PXN: variants seen among roughly 807,000 people sequenced by gnomAD.
The protein encoded by PXN is testicular tissue protein Li 134.
In PXN, 61 loss-of-function variants were observed where a neutral mutation model predicts 103.6. That is an observed-to-expected ratio of 0.59 (90% CI 0.48 to 0.73). The LOEUF (loss-of-function observed/expected upper bound fraction) is 0.73, where lower values mean the gene tolerates loss of function less well. PXN is among the 30% of genes least tolerant of loss of function. PXN has a pLI of 0.00. For missense variants in PXN, 1,274 were observed against 1,460.3 expected, an observed-to-expected ratio of 0.87 and a Z score of 2.08; for synonymous variants, 562 against 607.8, an observed-to-expected ratio of 0.92 and a Z score of 1.11.
At chr12:120,259,070 A>AAAAC (rs1224376686) in intron 1 of PXN, among the ~76,000 whole-genome samples, 6 of 146,616 alleles carry the variant, frequency 4.1e-5, no homozygotes, top group African/African-American at 1.5e-4. Flanking sequence ...ACTCTGCCTC[A>AAAAC]AAACAAACAA....
rs945235836 is a variant in PXN at position 120,219,730 on chromosome 12, G to C, written c.1193C>G (p.Pro398Arg). ...AGCACAGGGTACAGTGTGGCAGCGG[G>C]GAGCCCCAGAGAGCTCACTTGTGAT... ...PTITSELSGA[P>R]RCHTVPCAGS... Residue 398 changes from proline to arginine, a missense_variant, in exon 7 of 15, where the codon CCC becomes CGC. Around this residue, in one of 2 missense-constraint regions of PXN, gnomAD observed 1,178 missense variants for 1,309.0 expected, o/e 0.90. Coordinates refer to ENST00000637617, the MANE Select transcript of PXN (RefSeq NM_001385981.1). The surrounding 1 kb of genome is among the most constrained non-coding windows in gnomAD (Gnocchi z 6.5). 1.3e-6 allele frequency: 2 copies of C among 1,596,180 alleles called. No homozygotes were observed. The highest frequency in any genetic ancestry group is 4.5e-5 in the East Asian group (2 of 44,770).
chr12:120,264,832 C>T (rs1226062905), intron 1 of PXN, among the ~76,000 whole-genome samples: 1 of 151,832 alleles, frequency 6.6e-6, no homozygotes, highest in Non-Finnish European at 1.5e-5. Context: ...CCCAAATTAC[C>T]GTTCTAGACT....
At chr12:120,235,360 C>T (rs1165148039) in intron 1 of PXN, among the ~76,000 whole-genome samples, 1 of 152,104 alleles carries the variant, frequency 6.6e-6, no homozygotes, top group Non-Finnish European at 1.5e-5. Flanking sequence ...ACAACCCTTC[C>T]TGAGCATCTA....
chr12:120,246,735 G>C (rs909201616), intron 1 of PXN, among the ~76,000 whole-genome samples: 1 of 147,398 alleles, frequency 6.8e-6, no homozygotes, highest in African/African-American at 2.5e-5. Context: ...CGTGCCTGTA[G>C]TCTCAGCTAC....
rs572705526 is a variant in PXN, at chr12:120,217,169, C to A, written c.1717-53G>T. 2 of 1,415,268 alleles carry A rather than the reference C, an allele frequency of 1.4e-6. No individual in the cohort carries two copies. Among genetic ancestry groups the A allele is most frequent in the Non-Finnish European group, 1.9e-6 (2 of 1,035,102 alleles). The allele number at this position is 1,415,268 out of a possible 1,614,324, so 87.7% of individuals were successfully genotyped here. A position where few individuals can be genotyped will look rare whatever the true frequency, so the allele number is the denominator to read the frequency against. On this transcript the variant is annotated intron_variant, in intron 7 of 14. Coordinates refer to ENST00000637617, the MANE Select transcript of PXN (RefSeq NM_001385981.1). The surrounding 1 kb of genome is among the most constrained non-coding windows in gnomAD (Gnocchi z 4.1). ...ACCGTCCCACTCCCAGCTTGCACAACGCTGCTCAGGCCACACTCAGATGCC... is the reference window on the plus strand; with the variant it reads ...ACCGTCCCACTCCCAGCTTGCACAAAGCTGCTCAGGCCACACTCAGATGCC...
rs1446354012 is a variant in PXN, at chr12:120,265,692, T to C, written c.-63A>G. The C allele has an allele frequency of 2.6e-5, 35 of 1,352,462 alleles. No individual in the cohort carries two copies. Among genetic ancestry groups the C allele is most frequent in the South Asian group, 4.9e-5 (3 of 61,362 alleles). The allele number at this position is 1,352,462 out of a possible 1,614,324, so 83.8% of individuals were successfully genotyped here. A position where few individuals can be genotyped will look rare whatever the true frequency, so the allele number is the denominator to read the frequency against. On this transcript the variant is annotated 5_prime_UTR_variant, in exon 1 of 15. Coordinates refer to ENST00000637617, the MANE Select transcript of PXN (RefSeq NM_001385981.1). This position sits in a 1 kb window ranked among gnomAD's most constrained non-coding sequence, Gnocchi z 5.7. The stretch of plus-strand genomic sequence containing the variant: ...TGCCCGTCCCGGGGCCGCTCGTCTA[T>C]GCCCCGCAACTTTTCCGCCGCGAGC...
At chr12:120,226,558 AC>A (rs1237797328) in intron 1 of PXN, 1 of 1,209,962 alleles carries the variant, frequency 8.3e-7, no homozygotes, top group Admixed American at 3.0e-5. Flanking sequence ...TCCACCAAAC[AC>A]CCGCTCCACC....
At position 120,221,775 on chromosome 12, in the gene PXN, G is replaced by A. The variant is rs369143146; in HGVS notation, c.696-17C>T. ...ATGGCAGGGCTGCAGGGTGGGCACA[G>A]CATCAGTGGGGAGCCCACAGTCAGC... is the stretch of plus-strand genomic sequence containing the variant. On this transcript the variant is annotated splice_polypyrimidine_tract_variant and intron_variant, in intron 5 of 14. Coordinates refer to ENST00000637617, the MANE Select transcript of PXN (RefSeq NM_001385981.1). The surrounding 1 kb of genome is among the most constrained non-coding windows in gnomAD (Gnocchi z 6.6). 1.6e-4 allele frequency: 253 copies of A among 1,551,674 alleles called. No individual in the cohort carries two copies. Among genetic ancestry groups the A allele is most frequent in the Non-Finnish European group, 2.1e-4 (240 of 1,149,542 alleles).
At chr12:120,260,159 G>C (rs1056644369) in intron 1 of PXN, among the ~76,000 whole-genome samples, 2 of 152,156 alleles carry the variant, frequency 1.3e-5, no homozygotes, top group African/African-American at 4.8e-5. Flanking sequence ...GCCTCCCCTG[G>C]AACAGGAGAC....
chr12:120,255,239 C>T (rs1049046462), intron 1 of PXN, among the ~76,000 whole-genome samples: 3 of 152,154 alleles, frequency 2.0e-5, no homozygotes, highest in Admixed American at 1.3e-4. Flanking sequence ...CCCAGGTGCA[C>T]CTCCACTCAG....
At position 120,217,810 on chromosome 12, in the gene PXN, G is replaced by A. The variant is rs1883706042; in HGVS notation, c.1717-694C>T. ...AGATGGGGTTTCATCATGTTGGTTC[G>A]GCTGGTCTCAAACTCCTGACCTCGT... On this transcript the variant is annotated intron_variant, in intron 7 of 14. Coordinates refer to ENST00000637617, the MANE Select transcript of PXN (RefSeq NM_001385981.1). The surrounding 1 kb of genome is among the most constrained non-coding windows in gnomAD (Gnocchi z 4.1). Among the ~76,000 whole-genome samples, 1 of 151,194 alleles carries A rather than the reference G, an allele frequency of 6.6e-6. No homozygotes were observed. Among genetic ancestry groups the A allele is most frequent in the Non-Finnish European group, 1.5e-5 (1 of 67,864 alleles).
intron 1 of PXN, among the ~76,000 whole-genome samples, chr12:120,232,608 C>A (rs975518476): frequency 6.6e-6 from 1 of 152,132 alleles, no homozygotes; most frequent in Non-Finnish European, 1.5e-5. Flanking sequence ...TGTTCCAAAT[C>A]GACCCCAGCC....
At position 120,212,154 on chromosome 12, in the gene PXN, G is replaced by A; in HGVS notation, c.*160C>T. 9.0e-7 allele frequency: 1 copy of A among 1,112,672 alleles called. No individual in the cohort carries two copies. The highest frequency in any genetic ancestry group is 1.4e-5 in the South Asian group (1 of 73,970). The allele number at this position is 1,112,672 out of a possible 1,614,324, so 68.9% of individuals were successfully genotyped here. ...GCTCTGGCAGGGGTGAAGACAAGCA[G>A]GGGGACCCCTCACGGCCCTCTGTCC... On this transcript the variant is annotated 3_prime_UTR_variant, in exon 15 of 15. Coordinates refer to ENST00000637617, the MANE Select transcript of PXN (RefSeq NM_001385981.1). This position sits in a 1 kb window ranked among gnomAD's most constrained non-coding sequence, Gnocchi z 7.2.
At chr12:120,227,781 C>A (rs994613203) in intron 1 of PXN, among the ~76,000 whole-genome samples, 1 of 152,158 alleles carries the variant, frequency 6.6e-6, no homozygotes, top group East Asian at 1.9e-4. Flanking sequence ...GGAGGCAAGC[C>A]AACAGTAGAC....
At chr12:120,242,516 C>A (rs1359161492) in intron 1 of PXN, among the ~76,000 whole-genome samples, 1 of 152,228 alleles carries the variant, frequency 6.6e-6, no homozygotes, top group Non-Finnish European at 1.5e-5. Flanking sequence ...AGGCCTCAAA[C>A]CCTCATGGAA....
Position 120,215,095 on chromosome 12 carries a change from C to G in PXN, c.2574+8G>C, listed in dbSNP as rs114085181. 2.5e-6 allele frequency: 4 copies of G among 1,584,166 alleles called. No individual in the cohort carries two copies. The highest frequency in any genetic ancestry group is 3.4e-5 in the Admixed American group (2 of 57,980). Reference sequence around the variant, plus strand: ...CTGGCCACACCCCTGCCCACTCCCCCTCATCACCTGCCCGGCGATGGGCTT... The same window carrying G: ...CTGGCCACACCCCTGCCCACTCCCCGTCATCACCTGCCCGGCGATGGGCTT... On this transcript the variant is annotated splice_region_variant and intron_variant, in intron 11 of 14. Transcript: ENST00000637617. This position sits in a 1 kb window ranked among gnomAD's most constrained non-coding sequence, Gnocchi z 4.9.
intron 1 of PXN, chr12:120,227,133 A>G (rs1298227163): frequency 1.0e-6 from 1 of 986,620 alleles, no homozygotes; most frequent in Non-Finnish European, 1.2e-6. Flanking sequence ...AAAGAAAAGA[A>G]AAGTAATAAA....
At chr12:120,231,772 G>T (rs1888095576) in intron 1 of PXN, among the ~76,000 whole-genome samples, 1 of 152,222 alleles carries the variant, frequency 6.6e-6, no homozygotes, top group South Asian at 2.1e-4. Flanking sequence ...AATAATGGCT[G>T]CAAGGCAACT....
rs532391901 is a variant in PXN at position 120,229,662 on chromosome 12, T to C, written c.14-5285A>G. ...TGCTGACTTAGCACAGTGCCTGGAATACAGCACACAGGAAATGGGAGTTGC... is the reference window on the plus strand; with the variant it reads ...TGCTGACTTAGCACAGTGCCTGGAACACAGCACACAGGAAATGGGAGTTGC... On this transcript the variant is annotated intron_variant, in intron 1 of 14. Coordinates refer to ENST00000637617, the MANE Select transcript of PXN (RefSeq NM_001385981.1). The surrounding 1 kb of genome is among the most constrained non-coding windows in gnomAD (Gnocchi z 4.0). Among the ~76,000 whole-genome samples the C allele has an allele frequency of 1.3e-5, 2 of 152,322 alleles. No individual in the cohort carries two copies. Among genetic ancestry groups the C allele is most frequent in the East Asian group, 3.9e-4 (2 of 5,184 alleles).
Sources: gnomAD v4.1 joint callset for allele counts (sites outside exome capture counted in the v4.1 genomes callset) on GRCh38, gnomAD v4.1.1 for gene constraint, gnomAD v4.1.1 regional missense constraint, Gnocchi (gnomAD v3.1) non-coding constraint, MANE v1.5 for transcripts, NCBI Gene and HGNC (gene_info 2026-07-23, HGNC 2026-07-21) for gene names.